ADGRL2: variants seen among roughly 807,000 people sequenced by gnomAD.
ADGRL2 encodes the protein calcium-independent alpha-latrotoxin receptor 2.
ADGRL2 carries 44 observed loss-of-function variants against 157.4 expected under a neutral mutation model. The observed-to-expected ratio is 0.28, with a 90% CI of 0.22 to 0.36. ADGRL2 has a LOEUF of 0.36. Ranked by LOEUF, ADGRL2 falls within the 10% of genes least tolerant of loss-of-function variation. ADGRL2 has a pLI of 1.00. For synonymous variants in ADGRL2, 585 were observed against 624.7 expected, an observed-to-expected ratio of 0.94 and a Z score of 0.95; for missense variants, 1,510 against 1,768.9, an observed-to-expected ratio of 0.85 and a Z score of 2.63.
At chr1:81,432,493 A>T (rs1403614654) in intron 1 of ADGRL2, among the ~76,000 whole-genome samples, 1 of 152,226 alleles carries the variant, frequency 6.6e-6, no homozygotes, top group South Asian at 2.1e-4. Context: ...CAACACTTGA[A>T]CTTTTAAAAA....
At chr1:81,734,199 C>A (rs2084819837) in intron 1 of ADGRL2, among the ~76,000 whole-genome samples, 1 of 150,072 alleles carries the variant, frequency 6.7e-6, no homozygotes. Context: ...TCGCTTAAAC[C>A]CGGGGAGGTG....
chr1:81,863,626 A>T (rs1045362372), intron 2 of ADGRL2, among the ~76,000 whole-genome samples: 1 of 152,144 alleles, frequency 6.6e-6, no homozygotes, highest in African/African-American at 2.4e-5. Context: ...TCTTGCTGCT[A>T]TTTAAATTTG....
intron 2 of ADGRL2, among the ~76,000 whole-genome samples, chr1:81,535,768 T>C (rs188197579): frequency 6.6e-6 from 1 of 152,282 alleles, no homozygotes; most frequent in African/African-American, 2.4e-5. Context: ...AGTTATTTAG[T>C]ACAAGTAGTA....
intron 1 of ADGRL2, among the ~76,000 whole-genome samples, chr1:81,420,968 A>C (rs2077113922): frequency 6.6e-6 from 1 of 152,206 alleles, no homozygotes; most frequent in African/African-American, 2.4e-5. Context: ...GCTCTTAACC[A>C]TCATGCAGTG....
intron 2 of ADGRL2, among the ~76,000 whole-genome samples, chr1:81,864,873 C>A (rs1190139158): frequency 1.3e-5 from 2 of 152,124 alleles, no homozygotes; most frequent in Admixed American, 6.5e-5. Context: ...GTAATCCCAG[C>A]TACTTGGGAG....
intron 2 of ADGRL2, among the ~76,000 whole-genome samples, chr1:81,455,082 C>T (rs2077776466): frequency 6.6e-6 from 1 of 152,192 alleles, no homozygotes; most frequent in Non-Finnish European, 1.5e-5. Context: ...GTTTAGGCAA[C>T]TAGAAACCTA....
intron 2 of ADGRL2, among the ~76,000 whole-genome samples, chr1:81,491,506 A>C (rs189081266): frequency 2.1e-4 from 32 of 152,316 alleles, no homozygotes; most frequent in Admixed American, 1.8e-3. Context: ...ACATAATTCT[A>C]GAATATGAAG....
intron 2 of ADGRL2, among the ~76,000 whole-genome samples, chr1:81,787,484 A>G (rs780194021): frequency 6.6e-6 from 1 of 151,770 alleles, no homozygotes; most frequent in Non-Finnish European, 1.5e-5. Flanking sequence ...GTGAAACCCT[A>G]TCTCTACCGA....
intron 2 of ADGRL2, among the ~76,000 whole-genome samples, chr1:81,462,905 A>G (rs557452026): frequency 1.4e-4 from 22 of 152,108 alleles, no homozygotes; most frequent in Non-Finnish European, 2.6e-4. Context: ...GCTTGAGCCC[A>G]GGAGTTTGAG....
At chr1:81,338,782 A>G (rs1229601911) in intron 1 of ADGRL2, among the ~76,000 whole-genome samples, 1 of 152,188 alleles carries the variant, frequency 6.6e-6, no homozygotes, top group Non-Finnish European at 1.5e-5. Context: ...GTAATTCCAG[A>G]CAACCCAGAA....
At chr1:81,929,869 G>C (rs2095189840) in intron 3 of ADGRL2, among the ~76,000 whole-genome samples, 1 of 152,090 alleles carries the variant, frequency 6.6e-6, no homozygotes, top group African/African-American at 2.4e-5. Flanking sequence ...TTGTTATCCA[G>C]GTATTGTGCA....
chr1:81,658,470 T>C (rs2082583009), intron 3 of ADGRL2, among the ~76,000 whole-genome samples: 1 of 152,324 alleles, frequency 6.6e-6, no homozygotes, highest in Non-Finnish European at 1.5e-5. Context: ...TACACAGATA[T>C]GTTACACAGT....
intron 3 of ADGRL2, among the ~76,000 whole-genome samples, chr1:81,677,144 C>T (rs946693076): frequency 6.6e-6 from 1 of 152,180 alleles, no homozygotes; most frequent in African/African-American, 2.4e-5. Flanking sequence ...CACCACCACG[C>T]CTGGCTAATT....
intron 2 of ADGRL2, among the ~76,000 whole-genome samples, chr1:81,866,231 G>A (rs1279036639): frequency 6.6e-6 from 1 of 151,852 alleles, no homozygotes; most frequent in African/African-American, 2.4e-5. Context: ...CATCCTTTAG[G>A]CCTTGGTTCT....
Position 81,374,807 on chromosome 1 carries a change from A to T in ADGRL2, c.-302+68298A>T, listed in dbSNP as rs540762939. 5.9e-5 allele frequency among the ~76,000 whole-genome samples: 9 copies of T among 152,298 alleles called. No individual in the cohort carries two copies. The South Asian group carries it at 1.9e-3, about 32-fold the overall frequency. ...TGGGATTTACTGAGACTTCCAGCAC[A>T]GTAACAGCTATTTCAAGCATCTTCT... On this transcript the variant is annotated intron_variant, in intron 1 of 24. Transcript: ENST00000370721.
chr1:81,513,102 A>G (rs2079109530), intron 2 of ADGRL2, among the ~76,000 whole-genome samples: 1 of 152,158 alleles, frequency 6.6e-6, no homozygotes, highest in South Asian at 2.1e-4. Flanking sequence ...CTTCTTTAAA[A>G]TTTCTAATTA....
At chr1:81,893,465 C>T (rs1490158525) in intron 2 of ADGRL2, among the ~76,000 whole-genome samples, 10 of 152,112 alleles carry the variant, frequency 6.6e-5, no homozygotes, top group Admixed American at 5.2e-4. Flanking sequence ...AGTAGTGCAC[C>T]AGGGCATGGC....
intron 1 of ADGRL2, among the ~76,000 whole-genome samples, chr1:81,745,237 A>G (rs1259355653): frequency 1.3e-5 from 2 of 152,218 alleles, no homozygotes; most frequent in East Asian, 3.8e-4. Context: ...TTATAGCACA[A>G]TGAAATTTAC....
chr1:81,707,310 T>C (rs913473874), intron 1 of ADGRL2, among the ~76,000 whole-genome samples: 1 of 152,088 alleles, frequency 6.6e-6, no homozygotes, highest in Non-Finnish European at 1.5e-5. Flanking sequence ...AAAGGAATTT[T>C]CCCCTAAGAA....
Sources: gnomAD v4.1 joint callset for allele counts (sites outside exome capture counted in the v4.1 genomes callset) on GRCh38, gnomAD v4.1.1 for gene constraint, MANE v1.5 for transcripts, NCBI Gene and HGNC (gene_info 2026-07-23, HGNC 2026-07-21) for gene names.